Variants in ARAP3 observed in about 807,000 individuals in gnomAD.
The protein encoded by ARAP3 is ArfGAP with RhoGAP domain, ankyrin repeat and PH domain 3.
ARAP3 carries 82 observed loss-of-function variants against 169.2 expected under a neutral mutation model. The ratio of observed to expected loss-of-function variants is 0.48; its 90% CI spans 0.41 to 0.58. The LOEUF is 0.58. Ranked by LOEUF, ARAP3 falls within the 20% of genes least tolerant of loss-of-function variation. ARAP3 has a pLI of 0.00. For synonymous variants in ARAP3, 791 were observed against 800.3 expected (o/e 0.99, Z 0.20); for missense variants, 1,764 against 2,018.0 (o/e 0.87, Z 2.41).
At position 141,661,803 on chromosome 5, in the gene ARAP3, G is replaced by T. The variant is rs1394842541; in HGVS notation, c.3014-14C>A. On this transcript the variant is annotated splice_polypyrimidine_tract_variant and intron_variant, in intron 20 of 32. Coordinates refer to ENST00000239440, the MANE Select transcript of ARAP3 (RefSeq NM_022481.6). ...TCTGGGGCAGCTCTGGGGATGGAAT[G>T]GAGGAGGGTTGGGGAGGACCCGGGA... 2 of 1,613,622 alleles carry T rather than the reference G, an allele frequency of 1.2e-6. No homozygotes were observed. Among genetic ancestry groups the T allele is most frequent in the Non-Finnish European group, 1.7e-6 (2 of 1,179,640 alleles).
intron 4 of ARAP3, among the ~76,000 whole-genome samples, chr5:141,678,879 T>C (rs1205622609): frequency 6.6e-6 from 1 of 152,248 alleles, no homozygotes; most frequent in Admixed American, 6.5e-5. Context: ...TGTTTATTGT[T>C]AATAGACTAT....
In ARAP3 at chr5:141,659,910, C is replaced by A; in HGVS notation, c.3136G>T (p.Ala1046Ser). Residue 1046 changes from alanine to serine, a missense_variant, in exon 22 of 33, where the codon GCT becomes TCT. Ala to Ser is a moderately conservative substitution (Grantham distance 99). Around this residue, in one of 3 missense-constraint regions of ARAP3, gnomAD observed 1,112 missense variants for 1,285.7 expected, o/e 0.86. Transcript: ENST00000239440. The part of the protein sequence containing the change: ...GHLYRVQKCA[A>S]LNQMCTRNLA... The stretch of plus-strand genomic sequence containing the variant: ...TTCCGCGTGCACATCTGGTTTAGAG[C>A]CGCACATTTCTGCACCCTGCAGAGG... 6.4e-7 allele frequency: 1 copy of A among 1,568,946 alleles called. No individual in the cohort carries two copies. The highest frequency in any genetic ancestry group is 8.7e-7 in the Non-Finnish European group (1 of 1,155,970).
intron 27 of ARAP3, 24 bp from the exon 28 acceptor site, chr5:141,656,300 G>A (rs1036509824): frequency 1.8e-5 from 29 of 1,612,984 alleles, no homozygotes; most frequent in South Asian, 2.2e-5. Flanking sequence ...CAGAGTCAGC[G>A]AGATGGAGAG....
chr5:141,670,428 C>T, intron 14 of ARAP3, 84 bp downstream of exon 14: 1 of 1,404,754 alleles, frequency 7.1e-7, no homozygotes, highest in Non-Finnish European at 1.0e-6. Flanking sequence ...CCATCCCAGC[C>T]CTCTCCTCTT....
rs113825295 is a variant in ARAP3, at chr5:141,654,414, A to T, written c.4171T>A (p.Ser1391Thr). 3 of 1,590,736 alleles carry T rather than the reference A, an allele frequency of 1.9e-6. No individual in the cohort carries two copies. Among genetic ancestry groups the T allele is most frequent in the Non-Finnish European group, 2.6e-6 (3 of 1,167,196 alleles). The change falls in exon 33 of 33, where the codon TCT (serine) becomes ACT (threonine). Residue 1391 changes from serine (S) to threonine (T), a missense_variant. By Grantham distance (58) the Ser-to-Thr change is moderately conservative. Around this residue, in one of 3 missense-constraint regions of ARAP3, gnomAD observed 1,112 missense variants for 1,285.7 expected, o/e 0.86. Coordinates refer to ENST00000239440, the MANE Select transcript of ARAP3 (RefSeq NM_022481.6). ...TCCAGCTCCTCTTGCTCCTCCACAG[A>T]CCCCTGGGATGACTTCATTGGCTGG... ...MFFPMKSSQG[S>T]VEEQEELEEP... is the part of the protein sequence containing the mutation.
At position 141,671,725 on chromosome 5, in the gene ARAP3, C is replaced by A; in HGVS notation, c.1699G>T (p.Ala567Ser). ...QLFIVLGNDR[A>S]NRFWAGTLPP... ...AGGGTCCCTGCCCAGAAGCGGTTGG[C>A]ACGATCATTTCCCAGGACAATGAAT... Residue 567 changes from alanine (A) to serine (S), a missense_variant, in exon 12 of 33, where the codon GCC becomes TCC. Physicochemically the swap from Ala to Ser is moderately conservative, Grantham distance 99. This residue lies in a region of ARAP3 where 1,112 missense variants were observed against 1,285.7 expected (regional missense o/e 0.86). Transcript: ENST00000239440. The surrounding 1 kb of genome is among the most constrained non-coding windows in gnomAD (Gnocchi z 4.9). The A allele has an allele frequency of 6.2e-7, 1 of 1,604,868 alleles. No homozygotes were observed. Among genetic ancestry groups the A allele is most frequent in the South Asian group, 1.1e-5 (1 of 89,418 alleles).
At chr5:141,668,182 T>G (rs2099910928) in intron 16 of ARAP3, among the ~76,000 whole-genome samples, 1 of 151,690 alleles carries the variant, frequency 6.6e-6, no homozygotes, top group Admixed American at 6.6e-5. Context: ...CACAGCTCAC[T>G]GTAGGCTCAA....
At chr5:141,661,656 G>C in intron 21 of ARAP3, 28 bp downstream of exon 21, 1 of 1,594,224 alleles carries the variant, frequency 6.3e-7, no homozygotes. Flanking sequence ...GTGAGGAAGG[G>C]TTCTGCAGAG....
At chr5:141,677,641 A>C (rs747338461) in intron 4 of ARAP3, among the ~76,000 whole-genome samples, 14 of 152,270 alleles carry the variant, frequency 9.2e-5, no homozygotes, top group Non-Finnish European at 1.8e-4. Flanking sequence ...GACCACTCCC[A>C]ACATAGCAAC....
chr5:141,676,476 C>T (rs2099912203), intron 4 of ARAP3, among the ~76,000 whole-genome samples: 1 of 152,124 alleles, frequency 6.6e-6, no homozygotes, highest in South Asian at 2.1e-4. Context: ...CCCTTAAAAC[C>T]CACTCTCATC....
At chr5:141,669,872 G>A in intron 15 of ARAP3, 50 bp downstream of exon 15, 1 of 1,609,892 alleles carries the variant, frequency 6.2e-7, no homozygotes, top group Non-Finnish European at 8.5e-7. Flanking sequence ...TCAGGCTGGA[G>A]GTTGGGAAGA....
In ARAP3 at chr5:141,654,248, T is replaced by C. The variant is rs764090422; in HGVS notation, c.4337A>G (p.Asp1446Gly). The C allele has an allele frequency of 1.1e-5, 17 of 1,614,112 alleles. No homozygotes were observed. In the South Asian group the frequency reaches 1.8e-4, roughly 17 times the overall value. Reference sequence around the variant, plus strand: ...GCTTGACTTGGAGAGAAAGGGTTGATCCAATGACTTCTGGCTGGTGAGGGG... The same window carrying C: ...GCTTGACTTGGAGAGAAAGGGTTGACCCAATGACTTCTGGCTGGTGAGGGG... ...ENPLTSQKSLDQPFLSKSSTL... is the reference protein window; with the variant it reads ...ENPLTSQKSLGQPFLSKSSTL... The change falls in exon 33 of 33, where the codon GAT (aspartate) becomes GGT (glycine). Residue 1446 changes from aspartate to glycine, a missense_variant. Asp to Gly is a moderately conservative substitution (Grantham distance 94, BLOSUM62 -1). This residue lies in a region of ARAP3 where 1,112 missense variants were observed against 1,285.7 expected (regional missense o/e 0.86). Coordinates refer to ENST00000239440, the MANE Select transcript of ARAP3 (RefSeq NM_022481.6).
In ARAP3 at chr5:141,659,824, C is replaced by A. The variant is rs755367002; in HGVS notation, c.3222G>T (p.Val1074=). Residue 1074 remains valine, a synonymous_variant, in exon 22 of 33, where the codon GTG becomes GTT. Transcript: ENST00000239440. The part of the protein sequence containing the change: ...FQTDGRGEHE[V]RVLQELIDGY... ...CATCAATGAGCTCTTGCAGCACTCG[C>A]ACCTCGTGCTCCCCTCGCCCATCCG... The A allele has an allele frequency of 6.2e-7, 1 of 1,612,102 alleles. No individual in the cohort carries two copies. The highest frequency in any genetic ancestry group is 2.2e-5 in the East Asian group (1 of 44,800).
At position 141,656,741 on chromosome 5, in the gene ARAP3, G is replaced by T. The variant is rs1332459932; in HGVS notation, c.3632C>A (p.Ala1211Asp). The part of the protein sequence containing the change: ...ASLLLKKVPL[A>D]QAGCLFTGIR... Reference sequence around the variant, plus strand: ...ACCTGTGAAGAGGCAGCCAGCTTGGGCCAGGGGGACTTTTTTCAAGAGCAG... The same window carrying T: ...ACCTGTGAAGAGGCAGCCAGCTTGGTCCAGGGGGACTTTTTTCAAGAGCAG... Residue 1211 changes from alanine to aspartate, a missense_variant, in exon 26 of 33, where the codon GCC (alanine) becomes GAC (aspartate). Transcript: ENST00000239440. 3 of 1,611,660 alleles carry T rather than the reference G, an allele frequency of 1.9e-6. No individual in the cohort carries two copies. The highest frequency in any genetic ancestry group is 1.1e-5 in the South Asian group (1 of 90,602).
At chr5:141,660,582 C>G (rs984366084) in intron 21 of ARAP3, among the ~76,000 whole-genome samples, 2 of 151,900 alleles carry the variant, frequency 1.3e-5, no homozygotes, top group African/African-American at 4.8e-5. Flanking sequence ...AGGCAACAAG[C>G]TGGATTTGGC....
chr5:141,655,144 C>CCT lies in ARAP3; in HGVS notation c.4149+216_4149+217dup, dbSNP rs1194817708. 1.1e-4 allele frequency among the ~76,000 whole-genome samples: 15 copies of CCT among 138,680 alleles called. 1 individual carries two copies. Among genetic ancestry groups the CCT allele is most frequent in the South Asian group, 2.4e-4 (1 of 4,178 alleles). The allele number at this position is 138,680 out of a possible 152,430, so 91.0% of individuals were successfully genotyped here. A position where few individuals can be genotyped will look rare whatever the true frequency, so the allele number is the denominator to read the frequency against. On this transcript the variant is annotated intron_variant, in intron 32 of 32. Transcript: ENST00000239440. ...CTCCCTCTCCCTTTTCCTCGCTCTC[C>CCT]CTCTCTCTCTCTCACACACACACAC...
intron 4 of ARAP3, among the ~76,000 whole-genome samples, chr5:141,674,412 C>A (rs1435468167): frequency 6.6e-6 from 1 of 152,074 alleles, no homozygotes; most frequent in African/African-American, 2.4e-5. Flanking sequence ...GGCCACCACA[C>A]CTGGCTAATT....
Position 141,672,112 on chromosome 5 carries a change from C to T in ARAP3, c.1575G>A (p.Lys525=), listed in dbSNP as rs144422667. The T allele has an allele frequency of 1.1e-5, 18 of 1,614,052 alleles. No individual in the cohort carries two copies. In the African/African-American group the frequency reaches 1.2e-4, roughly 11 times the overall value. The change falls in exon 10 of 33, where the codon AAG becomes AAA. Residue 525 remains lysine (K), a synonymous_variant. Transcript: ENST00000239440. This position sits in a 1 kb window ranked among gnomAD's most constrained non-coding sequence, Gnocchi z 4.9. ...AAVNLGVVIC[K]QCAGQHRALG... ...GAGGCCATTCCTCACCTGCACACTG[C>T]TTGCAGATGACCACCCCCAAATTGA... is the stretch of plus-strand genomic sequence containing the variant.
intron 21 of ARAP3, among the ~76,000 whole-genome samples, chr5:141,661,067 C>CTTTTTTTTTTTTTTTTT (rs562593165): frequency 7.5e-6 from 1 of 132,766 alleles, no homozygotes; most frequent in Non-Finnish European, 1.6e-5. Context: ...TTTCTTTTTT[C>CTTTTTTTTTTTTTTTTT]TTTTTTTTTT....
Sources: gnomAD v4.1 joint callset for allele counts (sites outside exome capture counted in the v4.1 genomes callset) on GRCh38, gnomAD v4.1.1 for gene constraint, gnomAD v4.1.1 regional missense constraint, Gnocchi (gnomAD v3.1) non-coding constraint, MANE v1.5 for transcripts, NCBI Gene and HGNC (gene_info 2026-07-23, HGNC 2026-07-21) for gene names.